RYR3: variants seen among roughly 807,000 people sequenced by gnomAD.
RYR3 encodes the protein brain ryanodine receptor-calcium release channel.
A neutral mutation model predicts 584.3 loss-of-function variants in RYR3; 207 were observed. The ratio of observed to expected loss-of-function variants is 0.35; its 90% CI spans 0.32 to 0.40. The LOEUF is 0.40. Ranked by LOEUF, RYR3 falls within the 10% of genes least tolerant of loss-of-function variation. The pLI is 1.00. For synonymous variants in RYR3, 2,416 were observed against 2,248.5 expected (o/e 1.07, Z -2.11); for missense variants, 5,616 against 6,089.2 (o/e 0.92, Z 2.59).
intron 10 of RYR3, among the ~76,000 whole-genome samples, chr15:33,557,539 C>T (rs541910627): frequency 4.1e-4 from 63 of 152,240 alleles, no homozygotes; most frequent in African/African-American, 1.3e-3. Flanking sequence ...CACGTACCAA[C>T]GCACCCAGCT....
chr15:33,635,870 T>C, intron 26 of RYR3, 51 bp downstream of exon 26: 4 of 1,499,048 alleles, frequency 2.7e-6, no homozygotes, highest in Non-Finnish European at 2.7e-6. Context: ...GTTTTCCTTC[T>C]CCAAACATTT....
chr15:33,779,653 A>T (rs1275262932), intron 64 of RYR3, among the ~76,000 whole-genome samples: 1 of 152,152 alleles, frequency 6.6e-6, no homozygotes, highest in Non-Finnish European at 1.5e-5. Context: ...GCTCTCACAC[A>T]TGCTGGGAGA....
At chr15:33,790,977 A>G (rs551810482) in intron 67 of RYR3, among the ~76,000 whole-genome samples, 2 of 152,364 alleles carry the variant, frequency 1.3e-5, no homozygotes, top group East Asian at 3.9e-4. Context: ...TGGGCATTAT[A>G]TTAAGCAGCT....
intron 14 of RYR3, among the ~76,000 whole-genome samples, chr15:33,582,550 C>T (rs563851481): frequency 6.6e-6 from 1 of 152,266 alleles, no homozygotes; most frequent in South Asian, 2.1e-4. Flanking sequence ...TTATTGATCT[C>T]TTTGTGAGCG....
intron 46 of RYR3, 105 bp downstream of exon 46, chr15:33,726,611 G>T (rs1026761864): frequency 5.5e-6 from 7 of 1,278,240 alleles, no homozygotes; most frequent in Non-Finnish European, 7.4e-6. Flanking sequence ...GACTTGCAGG[G>T]CGGGCTGCAC....
intron 43 of RYR3, among the ~76,000 whole-genome samples, chr15:33,719,681 G>A (rs1029480488): frequency 6.6e-6 from 1 of 152,224 alleles, no homozygotes; most frequent in Admixed American, 6.5e-5. Flanking sequence ...ATACGTCCAT[G>A]TCTGAGACCA....
At position 33,562,859 on chromosome 15, in the gene RYR3, C is replaced by T. The variant is rs761298832; in HGVS notation, c.995C>T (p.Ser332Phe). 1.2e-6 allele frequency: 2 copies of T among 1,612,624 alleles called. No individual in the cohort carries two copies. The highest frequency in any genetic ancestry group is 2.2e-5 in the East Asian group (1 of 44,834). The change falls in exon 11 of 104, where the codon TCC becomes TTC. Residue 332 changes from serine to phenylalanine, a missense_variant. Ser to Phe is a radical substitution (Grantham distance 155, BLOSUM62 -2). Coordinates refer to ENST00000634891, the MANE Select transcript of RYR3 (RefSeq NM_001036.6). ...TAGGAACTCAAGGAGAAATTAGACT[C>T]CAGTCACAAGCGAGACATAGAAGGC... ...ASKELKEKLD[S>F]SHKRDIEGMG...
intron 96 of RYR3, among the ~76,000 whole-genome samples, 175 bp from the exon 97 acceptor site, chr15:33,854,214 A>C (rs1374575761): frequency 6.8e-6 from 1 of 147,258 alleles, no homozygotes; most frequent in Non-Finnish European, 1.5e-5. Context: ...AAAAAAATTC[A>C]GGCTATGTGA....
chr15:33,714,140 T>A (rs1399894636), intron 43 of RYR3, among the ~76,000 whole-genome samples: 1 of 152,200 alleles, frequency 6.6e-6, no homozygotes, highest in African/African-American at 2.4e-5. Context: ...CCACAGTTTA[T>A]GAACCATTGT....
intron 46 of RYR3, among the ~76,000 whole-genome samples, chr15:33,728,519 T>C (rs1403574528): frequency 2.0e-5 from 3 of 152,248 alleles, no homozygotes; most frequent in Non-Finnish European, 2.9e-5. Context: ...AGATTGAGTA[T>C]TCCTTATCCT....
rs141230744 is a variant in RYR3, at chr15:33,795,591, G to A, written c.9831-5179G>A. Among the ~76,000 whole-genome samples the A allele has an allele frequency of 5.3e-3, 801 of 151,586 alleles. 6 individuals carry two copies. Among genetic ancestry groups the A allele is most frequent in the African/African-American group, 0.018 (743 of 41,316 alleles). ...GTATTTTTAGTAGAGACAGGGTTTC[G>A]CCGTGTTGGTCAGGCTGGTCTTGAA... On this transcript the variant is annotated intron_variant, in intron 67 of 103. Transcript: ENST00000634891.
chr15:33,495,048 A>C (rs1361016820), intron 2 of RYR3, among the ~76,000 whole-genome samples: 2 of 152,222 alleles, frequency 1.3e-5, no homozygotes, highest in East Asian at 3.8e-4. Context: ...TCAGATTTTT[A>C]GAACTGCATA....
chr15:33,647,376 A>T, intron 29 of RYR3, 48 bp from the exon 30 acceptor site: 1 of 1,506,496 alleles, frequency 6.6e-7, no homozygotes. Flanking sequence ...GAACTGTGGG[A>T]TTCTCAATAC....
At chr15:33,482,074 G>T (rs2050025147) in intron 2 of RYR3, among the ~76,000 whole-genome samples, 1 of 151,934 alleles carries the variant, frequency 6.6e-6, no homozygotes. Flanking sequence ...CTATCTGGTA[G>T]CATTTTCCTT....
At chr15:33,636,334 T>A in intron 26 of RYR3, 42 bp from the exon 27 acceptor site, 1 of 1,581,072 alleles carries the variant, frequency 6.3e-7, no homozygotes, top group Non-Finnish European at 8.7e-7. Flanking sequence ...CTGGGGCCTC[T>A]AGAGACTCCA....
rs765304371 is a variant in RYR3 at position 33,548,123 on chromosome 15, C to A, written c.741-7C>A. 1.7e-5 allele frequency: 28 copies of A among 1,609,700 alleles called. No homozygotes were observed. The East Asian group carries it at 5.6e-4, about 32-fold the overall frequency. ...AAGTAGGAGCTGATCTCCAACTCTG[C>A]TCACAGGAGGATATTCTACGAAGCT... On this transcript the variant is annotated splice_region_variant and splice_polypyrimidine_tract_variant and intron_variant, in intron 8 of 103. Transcript: ENST00000634891.
chr15:33,822,860 T>TAAAAAATAA (rs1470374516), intron 80 of RYR3, 136 bp from the exon 81 acceptor site: 1 of 583,030 alleles, frequency 1.7e-6, no homozygotes, highest in Non-Finnish European at 3.0e-6. Context: ...AAACATGATC[T>TAAAAAATAA]ACCCCATGGG....
At chr15:33,438,776 C>T (rs946796064) in intron 1 of RYR3, among the ~76,000 whole-genome samples, 1 of 150,424 alleles carries the variant, frequency 6.6e-6, no homozygotes, top group Non-Finnish European at 1.5e-5. Context: ...TCTCCTGAAA[C>T]TGATAGAGTT....
chr15:33,326,708 AGACT>A (rs755322156), intron 1 of RYR3, among the ~76,000 whole-genome samples: 3 of 151,712 alleles, frequency 2.0e-5, no homozygotes, highest in Non-Finnish European at 4.4e-5. Flanking sequence ...GGTACATGGA[AGACT>A]GACTGTGTTG....
Sources: allele counts gnomAD v4.1 joint callset (sites outside exome capture counted in the v4.1 genomes callset), GRCh38; gene constraint gnomAD v4.1.1; transcripts MANE v1.5; gene names NCBI Gene and HGNC (gene_info 2026-07-23, HGNC 2026-07-21).